The following SSBP2 variants were observed in gnomAD, a reference collection of about 807,000 sequenced individuals.
SSBP2 encodes the protein single stranded DNA binding protein 2, also known as single-stranded DNA-binding protein 2.
In SSBP2, 17 loss-of-function variants were observed where a neutral mutation model predicts 61.8. The observed-to-expected ratio is 0.28, with a 90% CI of 0.19 to 0.41. The LOEUF (loss-of-function observed/expected upper bound fraction) is 0.41, where lower values mean the gene tolerates loss of function less well. Ranked by LOEUF, SSBP2 falls within the 10% of genes least tolerant of loss-of-function variation. The pLI is 1.00. For missense variants in SSBP2, 310 were observed against 458.7 expected (o/e 0.68, Z 2.96); for synonymous variants, 139 against 141.3 (o/e 0.98, Z 0.12).
chr5:81,490,845 C>G lies in SSBP2; in HGVS notation c.373-1536G>C, dbSNP rs144810430. 3.0e-3 allele frequency among the ~76,000 whole-genome samples: 455 copies of G among 152,258 alleles called. 1 individual carries two copies. The highest frequency in any genetic ancestry group is 4.7e-3 in the Non-Finnish European group (319 of 68,000). On this transcript the variant is annotated intron_variant, in intron 5 of 16. Transcript: ENST00000320672. ...CTTCCAGCAGTTCATTTTATATGGACAGAAACAGTAGATTAGTCAGGTAGT... is the reference window on the plus strand; with the variant it reads ...CTTCCAGCAGTTCATTTTATATGGAGAGAAACAGTAGATTAGTCAGGTAGT...
At chr5:81,509,941 T>C (rs758355183) in intron 5 of SSBP2, among the ~76,000 whole-genome samples, 5 of 152,242 alleles carry the variant, frequency 3.3e-5, no homozygotes, top group Admixed American at 2.6e-4. Context: ...CTGCCACTGA[T>C]CTTGAATCAG....
At chr5:81,690,456 A>G (rs1157576135) in intron 1 of SSBP2, among the ~76,000 whole-genome samples, 1 of 152,158 alleles carries the variant, frequency 6.6e-6, no homozygotes, top group Non-Finnish European at 1.5e-5. Context: ...AACTATGCGT[A>G]TATCAGACAA....
chr5:81,569,593 C>T (rs1030799220), intron 4 of SSBP2, among the ~76,000 whole-genome samples: 1 of 152,200 alleles, frequency 6.6e-6, no homozygotes. Context: ...CTGGTATCAT[C>T]ATGCCAAATC....
chr5:81,654,229 T>A (rs570595563), intron 1 of SSBP2, among the ~76,000 whole-genome samples: 1 of 152,292 alleles, frequency 6.6e-6, no homozygotes, highest in East Asian at 1.9e-4. Flanking sequence ...CTTCCCAAAG[T>A]GCTGGGATTA....
chr5:81,660,765 C>T (rs183414834), intron 1 of SSBP2, among the ~76,000 whole-genome samples: 1 of 152,242 alleles, frequency 6.6e-6, no homozygotes, highest in East Asian at 1.9e-4. Context: ...CCCAAATGAC[C>T]ATCAATGATA....
intron 1 of SSBP2, among the ~76,000 whole-genome samples, chr5:81,668,780 A>AT (rs1751367501): frequency 6.6e-6 from 1 of 152,104 alleles, no homozygotes; most frequent in African/African-American, 2.4e-5. Flanking sequence ...GTCTTGTTAC[A>AT]TTTTACATTA....
At chr5:81,750,351 C>T (rs1757659654) in intron 1 of SSBP2, among the ~76,000 whole-genome samples, 1 of 146,014 alleles carries the variant, frequency 6.8e-6, no homozygotes, top group South Asian at 2.1e-4. Context: ...CACACGCCCT[C>T]CGCGCCCCGC....
At chr5:81,479,470 T>C (rs184001226) in intron 6 of SSBP2, among the ~76,000 whole-genome samples, 3 of 152,204 alleles carry the variant, frequency 2.0e-5, no homozygotes, top group Admixed American at 6.5e-5. Context: ...TGTGTATTTT[T>C]AGTAGAGATA....
chr5:81,622,129 A>T (rs1406219952), intron 3 of SSBP2, among the ~76,000 whole-genome samples: 1 of 151,770 alleles, frequency 6.6e-6, no homozygotes, highest in Non-Finnish European at 1.5e-5. Context: ...TTAAAAAAAA[A>T]AAAAAAGAAA....
At chr5:81,694,644 C>CCAA (rs1471650978) in intron 1 of SSBP2, among the ~76,000 whole-genome samples, 1 of 152,006 alleles carries the variant, frequency 6.6e-6, no homozygotes, top group African/African-American at 2.4e-5. Context: ...CCACCCTTAC[C>CCAA]CCACCACCAC....
intron 16 of SSBP2, among the ~76,000 whole-genome samples, chr5:81,428,034 T>G (rs1160759850): frequency 6.6e-6 from 1 of 152,222 alleles, no homozygotes; most frequent in Non-Finnish European, 1.5e-5. Flanking sequence ...CAGTAATTGC[T>G]TGTTAAATGA....
Position 81,420,458 on chromosome 5 carries a change from G to A in SSBP2, c.*46C>T. ...TAATTTTCTTCCGTAGTAGTTCTGT[G>A]AAGGGCTGACTCACTGTGGTTTTCA... On this transcript the variant is annotated 3_prime_UTR_variant, in exon 17 of 17. Transcript: ENST00000320672. 6.3e-7 allele frequency: 1 copy of A among 1,589,974 alleles called. No homozygotes were observed. The highest frequency in any genetic ancestry group is 8.6e-7 in the Non-Finnish European group (1 of 1,158,144).
intron 6 of SSBP2, among the ~76,000 whole-genome samples, chr5:81,478,081 TAGG>T (rs1217018611): frequency 6.6e-6 from 1 of 152,128 alleles, no homozygotes; most frequent in Non-Finnish European, 1.5e-5. Context: ...ATAAATGATG[TAGG>T]AGGAGGACTA....
At chr5:81,579,772 T>C (rs996047240) in intron 4 of SSBP2, among the ~76,000 whole-genome samples, 4 of 152,066 alleles carry the variant, frequency 2.6e-5, no homozygotes, top group South Asian at 4.1e-4. Flanking sequence ...CCCTAGATAC[T>C]ACCTAGTGAA....
intron 1 of SSBP2, among the ~76,000 whole-genome samples, chr5:81,675,733 A>G (rs188620702): frequency 2.0e-5 from 3 of 152,274 alleles, no homozygotes; most frequent in Admixed American, 1.3e-4. Flanking sequence ...ATTGCTGTGC[A>G]ATCCTTGTTT....
intron 1 of SSBP2, among the ~76,000 whole-genome samples, chr5:81,750,118 C>G (rs1466307869): frequency 6.6e-6 from 1 of 151,840 alleles, no homozygotes; most frequent in Non-Finnish European, 1.5e-5. Flanking sequence ...GGGTCCGCTG[C>G]GAGAGGCAGA....
At chr5:81,492,039 C>G (rs551227443) in intron 5 of SSBP2, among the ~76,000 whole-genome samples, 6 of 152,212 alleles carry the variant, frequency 3.9e-5, no homozygotes, top group Non-Finnish European at 7.3e-5. Flanking sequence ...CTGTACTTCA[C>G]TATTCAGAAG....
intron 9 of SSBP2, among the ~76,000 whole-genome samples, chr5:81,461,376 T>C (rs1463221361): frequency 2.0e-5 from 3 of 152,084 alleles, no homozygotes; most frequent in African/African-American, 4.8e-5. Context: ...TAACTGCTCA[T>C]AGGAGTAAAT....
At chr5:81,516,415 T>C (rs143093962) in intron 4 of SSBP2, among the ~76,000 whole-genome samples, 2 of 152,226 alleles carry the variant, frequency 1.3e-5, no homozygotes, top group African/African-American at 4.8e-5. Context: ...TAGTAACTTC[T>C]AGCCTTGACC....
Sources: allele counts gnomAD v4.1 joint callset (sites outside exome capture counted in the v4.1 genomes callset), GRCh38; gene constraint gnomAD v4.1.1; transcripts MANE v1.5; gene names NCBI Gene and HGNC (gene_info 2026-07-23, HGNC 2026-07-21).